Variants in PPP1R9A observed in about 807,000 individuals in gnomAD.
The protein encoded by PPP1R9A is neurabin-1.
Under a neutral mutation model 141.9 loss-of-function variants are expected in PPP1R9A, and 59 were observed. The observed-to-expected ratio is 0.42, with a 90% CI of 0.34 to 0.52. PPP1R9A has a LOEUF of 0.52. PPP1R9A is among the 20% of genes least tolerant of loss of function. The probability of loss-of-function intolerance (pLI) is 0.10; values close to 1 mark genes in which losing one functional copy is unlikely to be tolerated. For missense variants in PPP1R9A, 1,444 were observed against 1,611.9 expected, an observed-to-expected ratio of 0.90 and a Z score of 1.78; for synonymous variants, 500 against 569.7, an observed-to-expected ratio of 0.88 and a Z score of 1.74.
chr7:95,153,395 C>A (rs1829062994), intron 4 of PPP1R9A, among the ~76,000 whole-genome samples: 1 of 152,116 alleles, frequency 6.6e-6, no homozygotes, highest in African/African-American at 2.4e-5. Context: ...TCAGTTCAGT[C>A]AAACAGTTTT....
At chr7:94,962,887 C>G (rs978283971) in intron 2 of PPP1R9A, among the ~76,000 whole-genome samples, 1 of 152,044 alleles carries the variant, frequency 6.6e-6, no homozygotes, top group Non-Finnish European at 1.5e-5. Context: ...TTGGTGTAGG[C>G]AGAAGACTTG....
intron 2 of PPP1R9A, among the ~76,000 whole-genome samples, chr7:95,047,940 TAGAC>T (rs1239980866): frequency 6.6e-6 from 1 of 152,222 alleles, no homozygotes; most frequent in Non-Finnish European, 1.5e-5. Context: ...TGTTTTTCCT[TAGAC>T]AGAATTCAGT....
intron 2 of PPP1R9A, among the ~76,000 whole-genome samples, chr7:94,973,871 T>A (rs1799141671): frequency 6.6e-6 from 1 of 151,916 alleles, no homozygotes; most frequent in South Asian, 2.1e-4. Flanking sequence ...GCGCATGCTG[T>A]CACATCCAGC....
At chr7:95,021,064 T>C (rs769578593) in intron 2 of PPP1R9A, among the ~76,000 whole-genome samples, 13 of 152,218 alleles carry the variant, frequency 8.5e-5, no homozygotes, top group Non-Finnish European at 1.5e-4. Flanking sequence ...TCTTCCACAA[T>C]GGTTGAACTA....
chr7:94,914,966 T>C (rs530986709), intron 2 of PPP1R9A, among the ~76,000 whole-genome samples: 1 of 152,316 alleles, frequency 6.6e-6, no homozygotes, highest in East Asian at 1.9e-4. Flanking sequence ...AGTCACAACC[T>C]TTCTCTGTTT....
intron 2 of PPP1R9A, among the ~76,000 whole-genome samples, chr7:95,103,017 T>C (rs1174570464): frequency 6.6e-6 from 1 of 152,154 alleles, no homozygotes; most frequent in East Asian, 1.9e-4. Context: ...ATCAAATTCA[T>C]TGAAGACCTT....
intron 2 of PPP1R9A, among the ~76,000 whole-genome samples, chr7:95,017,081 G>C (rs940078584): frequency 3.3e-5 from 5 of 152,048 alleles, no homozygotes; most frequent in African/African-American, 1.2e-4. Flanking sequence ...GGAACTTCTA[G>C]GACAACCAGA....
intron 4 of PPP1R9A, chr7:95,156,227 T>C (rs1829586382): frequency 6.6e-6 from 1 of 152,288 alleles, no homozygotes; most frequent in Non-Finnish European, 1.5e-5. Flanking sequence ...GCACTGACTC[T>C]CTGTGAGGCT....
chr7:95,168,447 G>A (rs575988335), intron 5 of PPP1R9A, among the ~76,000 whole-genome samples: 1 of 151,634 alleles, frequency 6.6e-6, no homozygotes, highest in Non-Finnish European at 1.5e-5. Context: ...CAACTAGAAG[G>A]AAGCATAGAG....
chr7:95,112,202 T>TCAA (rs200979640), intron 3 of PPP1R9A, among the ~76,000 whole-genome samples: 4 of 151,726 alleles, frequency 2.6e-5, no homozygotes, highest in Non-Finnish European at 4.4e-5. Flanking sequence ...ACTCAAATAC[T>TCAA]CAACAACAAC....
chr7:95,056,142 A>G (rs1811469848), intron 2 of PPP1R9A, among the ~76,000 whole-genome samples: 2 of 152,118 alleles, frequency 1.3e-5, no homozygotes, highest in African/African-American at 2.4e-5. Context: ...AATGGCATGC[A>G]TATTTTACAT....
At chr7:94,966,528 G>T (rs1382336294) in intron 2 of PPP1R9A, among the ~76,000 whole-genome samples, 3 of 152,128 alleles carry the variant, frequency 2.0e-5, no homozygotes, top group Non-Finnish European at 4.4e-5. Context: ...GCATGAAGGG[G>T]TGTTGAATTT....
intron 2 of PPP1R9A, among the ~76,000 whole-genome samples, chr7:95,007,020 A>G (rs980294928): frequency 1.3e-5 from 2 of 151,916 alleles, no homozygotes; most frequent in Admixed American, 1.3e-4. Flanking sequence ...ACGCCACTAC[A>G]CTAGGATAAT....
At chr7:95,200,850 T>G (rs992626711) in intron 6 of PPP1R9A, among the ~76,000 whole-genome samples, 1 of 152,182 alleles carries the variant, frequency 6.6e-6, no homozygotes, top group Non-Finnish European at 1.5e-5. Context: ...GAGATTTTCT[T>G]TTTTTCCCTA....
chr7:95,206,776 C>T (rs183018838), intron 7 of PPP1R9A, among the ~76,000 whole-genome samples: 1 of 152,242 alleles, frequency 6.6e-6, no homozygotes, highest in East Asian at 1.9e-4. Flanking sequence ...TCATAATTAT[C>T]GTTAATGCTT....
chr7:95,256,370 C>T (rs994904177), intron 12 of PPP1R9A, among the ~76,000 whole-genome samples: 22 of 151,964 alleles, frequency 1.4e-4, no homozygotes, highest in African/African-American at 5.1e-4. Context: ...AGGAAAAATA[C>T]ATATAATTAT....
At chr7:95,240,746 T>C (rs1203888208) in intron 8 of PPP1R9A, among the ~76,000 whole-genome samples, 2 of 152,192 alleles carry the variant, frequency 1.3e-5, no homozygotes, top group African/African-American at 4.8e-5. Context: ...TTCTCGCTTT[T>C]CTTTACTTTC....
intron 5 of PPP1R9A, among the ~76,000 whole-genome samples, chr7:95,172,329 A>G (rs911713258): frequency 2.0e-5 from 3 of 151,740 alleles, no homozygotes; most frequent in African/African-American, 4.8e-5. Context: ...CACAGGCAAT[A>G]TGGTCATTTA....
At chr7:94,934,034 G>A (rs1794473691) in intron 2 of PPP1R9A, among the ~76,000 whole-genome samples, 3 of 152,048 alleles carry the variant, frequency 2.0e-5, no homozygotes, top group Non-Finnish European at 4.4e-5. Context: ...TTTTGTTAAT[G>A]TTATTTTATT....
Sources: gnomAD v4.1 joint callset for allele counts (sites outside exome capture counted in the v4.1 genomes callset) on GRCh38, gnomAD v4.1.1 for gene constraint, MANE v1.5 for transcripts, NCBI Gene and HGNC (gene_info 2026-07-23, HGNC 2026-07-21) for gene names.